PPHLN1: variants seen among roughly 807,000 people sequenced by gnomAD.
PPHLN1 encodes periphilin-1.
A neutral mutation model predicts 51.3 loss-of-function variants in PPHLN1; 29 were observed. The ratio of observed to expected loss-of-function variants is 0.57; its 90% CI spans 0.42 to 0.77. PPHLN1 has a LOEUF of 0.77. PPHLN1 is among the 30% of genes least tolerant of loss of function. The probability of loss-of-function intolerance (pLI) is 0.00; values close to 1 mark genes in which losing one functional copy is unlikely to be tolerated. For missense variants in PPHLN1, 436 were observed against 438.4 expected (o/e 0.99, Z 0.05); for synonymous variants, 147 against 147.8 (o/e 0.99, Z 0.04).
intron 9 of PPHLN1, among the ~76,000 whole-genome samples, chr12:42,415,730 A>C: frequency 6.6e-6 from 1 of 152,146 alleles, no homozygotes; most frequent in East Asian, 1.9e-4. Flanking sequence ...GTGTTTCCAA[A>C]GTTTTTGACT....
At chr12:42,371,604 T>A (rs1432417067) in intron 4 of PPHLN1, among the ~76,000 whole-genome samples, 1 of 152,248 alleles carries the variant, frequency 6.6e-6, no homozygotes, top group Admixed American at 6.5e-5. Flanking sequence ...AAGTTTGTGA[T>A]GCTTTTCCCA....
At chr12:42,331,165 A>G (rs1016404659) in intron 1 of PPHLN1, among the ~76,000 whole-genome samples, 1 of 152,360 alleles carries the variant, frequency 6.6e-6, no homozygotes, top group Non-Finnish European at 1.5e-5. Flanking sequence ...TTTGAGGTCA[A>G]TGTGACTTTG....
intron 9 of PPHLN1, 194 bp downstream of exon 9, chr12:42,399,188 ATTTTT>A: frequency 8.1e-7 from 1 of 1,241,976 alleles, no homozygotes; most frequent in Non-Finnish European, 1.0e-6. Context: ...TGGATTGTTT[ATTTTT>A]AAATAAAAAA....
At chr12:42,399,257 A>G in intron 9 of PPHLN1, 4 of 999,500 alleles carry the variant, frequency 4.0e-6, no homozygotes, top group Non-Finnish European at 4.9e-6. Flanking sequence ...AGCAATTAAA[A>G]ATTATTAAAG....
intron 9 of PPHLN1, among the ~76,000 whole-genome samples, chr12:42,438,774 C>T (rs2139972860): frequency 6.6e-6 from 1 of 151,944 alleles, no homozygotes; most frequent in Middle Eastern, 3.4e-3. Context: ...GCTAATTTTT[C>T]ATATTTTTAG....
chr12:42,378,704 G>T (rs1304570050), intron 5 of PPHLN1, among the ~76,000 whole-genome samples: 3 of 151,860 alleles, frequency 2.0e-5, no homozygotes, highest in Non-Finnish European at 4.4e-5. Context: ...AAATTCAACT[G>T]CTTATTTCCC....
intron 7 of PPHLN1, among the ~76,000 whole-genome samples, chr12:42,389,784 T>C (rs1402918548): frequency 1.3e-5 from 2 of 152,178 alleles, no homozygotes; most frequent in Admixed American, 1.3e-4. Context: ...GTTGGGAGTG[T>C]AGGCAGATAC....
At chr12:42,326,433 G>T (rs1295800658) in intron 1 of PPHLN1, among the ~76,000 whole-genome samples, 1 of 152,106 alleles carries the variant, frequency 6.6e-6, no homozygotes, top group Non-Finnish European at 1.5e-5. Flanking sequence ...ATAGGGGTTC[G>T]CCTCTCTGTA....
chr12:42,437,752 A>G (rs1018225045), intron 9 of PPHLN1, among the ~76,000 whole-genome samples: 14 of 152,182 alleles, frequency 9.2e-5, no homozygotes, highest in African/African-American at 2.7e-4. Flanking sequence ...ATTTTGACAA[A>G]TGTATAATAT....
chr12:42,425,012 C>T (rs2081307544), intron 9 of PPHLN1, among the ~76,000 whole-genome samples: 1 of 151,330 alleles, frequency 6.6e-6, no homozygotes, highest in African/African-American at 2.4e-5. Flanking sequence ...AGAATTTTTT[C>T]CTCAGGTTTT....
At chr12:42,441,176 G>T in intron 9 of PPHLN1, 139 bp from the exon 10 acceptor site, 1 of 1,222,198 alleles carries the variant, frequency 8.2e-7, no homozygotes, top group Non-Finnish European at 1.1e-6. Context: ...TAGTGACAAT[G>T]CAAGGGCGAG....
intron 4 of PPHLN1, among the ~76,000 whole-genome samples, chr12:42,369,833 A>G (rs2075629610): frequency 6.6e-6 from 1 of 152,080 alleles, no homozygotes; most frequent in Non-Finnish European, 1.5e-5. Flanking sequence ...GTCCTCATTT[A>G]CACCACCCTG....
chr12:42,440,294 T>A, intron 9 of PPHLN1, among the ~76,000 whole-genome samples: 1 of 152,238 alleles, frequency 6.6e-6, no homozygotes, highest in Non-Finnish European at 1.5e-5. Flanking sequence ...TACTGGTATA[T>A]AGGAAAGCAA....
At chr12:42,365,280 C>A (rs1402963699) in intron 4 of PPHLN1, among the ~76,000 whole-genome samples, 3 of 152,122 alleles carry the variant, frequency 2.0e-5, no homozygotes, top group Non-Finnish European at 4.4e-5. Flanking sequence ...AATCGTAATT[C>A]TTTTTGGAAG....
intron 9 of PPHLN1, among the ~76,000 whole-genome samples, chr12:42,402,097 G>C (rs2078896259): frequency 6.6e-6 from 1 of 152,032 alleles, no homozygotes; most frequent in African/African-American, 2.4e-5. Context: ...GGGCTCGAGA[G>C]ATCTACCCAC....
At chr12:42,434,124 T>C (rs1241063501) in intron 9 of PPHLN1, among the ~76,000 whole-genome samples, 1 of 152,146 alleles carries the variant, frequency 6.6e-6, no homozygotes, top group Non-Finnish European at 1.5e-5. Flanking sequence ...TGTATCCTTT[T>C]ATAATAAACA....
chr12:42,380,102 T>A (rs1301787079), intron 5 of PPHLN1, among the ~76,000 whole-genome samples: 1 of 152,062 alleles, frequency 6.6e-6, no homozygotes, highest in East Asian at 1.9e-4. Flanking sequence ...AACAGTGACA[T>A]AAAGATTATC....
chr12:42,343,124 C>G (rs1450495431), intron 2 of PPHLN1, among the ~76,000 whole-genome samples: 3 of 152,184 alleles, frequency 2.0e-5, no homozygotes, highest in Non-Finnish European at 4.4e-5. Context: ...ACAGTCAGGT[C>G]TACTTAATTT....
chr12:42,383,076 A>G (rs2076893926), intron 5 of PPHLN1, among the ~76,000 whole-genome samples: 1 of 152,230 alleles, frequency 6.6e-6, no homozygotes, highest in South Asian at 2.1e-4. Context: ...CTATTAGAAG[A>G]TTGTTAAATA....
Sources: allele counts gnomAD v4.1 joint callset (sites outside exome capture counted in the v4.1 genomes callset), GRCh38; gene constraint gnomAD v4.1.1; transcripts MANE v1.5; gene names NCBI Gene and HGNC (gene_info 2026-07-23, HGNC 2026-07-21).